ASCC3: variants seen among roughly 807,000 people sequenced by gnomAD.
ASCC3 encodes the protein activating signal cointegrator 1 complex subunit 3, also known as ASC-1 complex subunit P200.
Under a neutral mutation model 256.3 loss-of-function variants are expected in ASCC3, and 158 were observed. The observed-to-expected ratio is 0.62, with a 90% CI of 0.54 to 0.70. ASCC3 has a LOEUF of 0.70. Among genes scored for constraint, ASCC3 ranks in the 30% least tolerant of loss-of-function variants. The pLI, the probability that ASCC3 is intolerant of heterozygous loss-of-function variation, is 0.00. For synonymous variants in ASCC3, 948 were observed against 883.4 expected, an observed-to-expected ratio of 1.07 and a Z score of -1.30; for missense variants, 2,259 against 2,626.0, an observed-to-expected ratio of 0.86 and a Z score of 3.05.
chr6:100,733,910 AAAAC>A (rs371689067), intron 10 of ASCC3, among the ~76,000 whole-genome samples: 59 of 152,292 alleles, frequency 3.9e-4, no homozygotes, highest in Admixed American at 1.5e-3. Context: ...TATCCCTTTA[AAAAC>A]AAACAAACAA....
intron 4 of ASCC3, among the ~76,000 whole-genome samples, chr6:100,829,277 A>G (rs1771495635): frequency 6.6e-6 from 1 of 152,106 alleles, no homozygotes; most frequent in South Asian, 2.1e-4. Context: ...ACCGTGGAGC[A>G]GGGGGCGGCG....
chr6:100,765,203 C>T (rs1025916818), intron 10 of ASCC3, among the ~76,000 whole-genome samples: 5 of 152,144 alleles, frequency 3.3e-5, no homozygotes, highest in Admixed American at 6.5e-5. Context: ...AGAATTAAGA[C>T]AGTTGTTTTA....
chr6:100,724,148 C>CAAAA (rs574759618), intron 11 of ASCC3, among the ~76,000 whole-genome samples: 1 of 126,360 alleles, frequency 7.9e-6, no homozygotes, highest in Non-Finnish European at 1.7e-5. Flanking sequence ...TACAAAAAAA[C>CAAAA]AAAAAAAAAA....
intron 8 of ASCC3, among the ~76,000 whole-genome samples, chr6:100,792,557 C>CA (rs1376065456): frequency 6.6e-6 from 1 of 151,876 alleles, no homozygotes; most frequent in Non-Finnish European, 1.5e-5. Flanking sequence ...TCATCATGGT[C>CA]AATTAATTAT....
At chr6:100,863,494 G>A (rs1228145789) in intron 3 of ASCC3, among the ~76,000 whole-genome samples, 2 of 151,998 alleles carry the variant, frequency 1.3e-5, no homozygotes, top group Non-Finnish European at 2.9e-5. Context: ...TCAAGACAGT[G>A]GTTTTCAAAC....
At chr6:100,596,328 A>G (rs776706297) in intron 34 of ASCC3, among the ~76,000 whole-genome samples, 2 of 152,208 alleles carry the variant, frequency 1.3e-5, no homozygotes, top group Non-Finnish European at 2.9e-5. Flanking sequence ...CAAAGATACA[A>G]TGGATACAAA....
At chr6:100,611,731 G>T (rs529744929) in intron 30 of ASCC3, among the ~76,000 whole-genome samples, 1 of 151,976 alleles carries the variant, frequency 6.6e-6, no homozygotes, top group African/African-American at 2.4e-5. Flanking sequence ...AAATACTTGG[G>T]TTACCATCTT....
chr6:100,753,138 C>T (rs747981144), intron 10 of ASCC3, among the ~76,000 whole-genome samples: 2 of 151,690 alleles, frequency 1.3e-5, no homozygotes, highest in Admixed American at 1.3e-4. Context: ...ATTGAAATTT[C>T]GCATTAATAT....
At chr6:100,769,746 A>T (rs1357277212) in intron 8 of ASCC3, among the ~76,000 whole-genome samples, 9 of 151,856 alleles carry the variant, frequency 5.9e-5, no homozygotes, top group African/African-American at 1.9e-4. Flanking sequence ...CAATATCAAG[A>T]GTGAGAAAAG....
rs531017352 is a variant in ASCC3, at chr6:100,614,646, C to T, written c.4786-7558G>A. ...TCCATCCTCTCAAGCACAATGCCAC[C>T]CTCTAATCACTACATGAATAAGAGG... On this transcript the variant is annotated intron_variant, in intron 30 of 41. Coordinates refer to ENST00000369162, the MANE Select transcript of ASCC3 (RefSeq NM_006828.4). 3.9e-5 allele frequency among the ~76,000 whole-genome samples: 6 copies of T among 152,188 alleles called. No homozygotes were observed. The South Asian group carries it at 1.0e-3, about 26-fold the overall frequency.
At chr6:100,789,448 T>C (rs1769244779) in intron 8 of ASCC3, among the ~76,000 whole-genome samples, 1 of 151,956 alleles carries the variant, frequency 6.6e-6, no homozygotes, top group South Asian at 2.1e-4. Flanking sequence ...TTTTCATTCA[T>C]TTGCCAGGGG....
At chr6:100,679,527 T>C (rs1009678009) in intron 14 of ASCC3, 91 bp downstream of exon 14, 13 of 1,575,584 alleles carry the variant, frequency 8.3e-6, no homozygotes, top group Admixed American at 1.7e-5. Flanking sequence ...ATTAACTTCT[T>C]GGAAATTGAG....
At position 100,600,717 on chromosome 6, in the gene ASCC3, C is replaced by T. The variant is rs1319661249; in HGVS notation, c.5303+1093G>A. On this transcript the variant is annotated intron_variant, in intron 34 of 41. Coordinates refer to ENST00000369162, the MANE Select transcript of ASCC3 (RefSeq NM_006828.4). ...TGGAATGTGCCTTAACATTGACCCT[C>T]CCTCCATTCACTCTGTATCTAAGGT... Among the ~76,000 whole-genome samples the T allele has an allele frequency of 3.9e-5, 6 of 152,196 alleles. No individual in the cohort carries two copies. In the South Asian group the frequency reaches 1.2e-3, roughly 32 times the overall value.
At chr6:100,735,257 A>G (rs1300327494) in intron 10 of ASCC3, among the ~76,000 whole-genome samples, 1 of 152,172 alleles carries the variant, frequency 6.6e-6, no homozygotes, top group East Asian at 1.9e-4. Context: ...CTTTCTCACC[A>G]TATTACCCCG....
chr6:100,527,971 G>A (rs1373450896), intron 37 of ASCC3, among the ~76,000 whole-genome samples: 5 of 151,508 alleles, frequency 3.3e-5, no homozygotes. Context: ...AAGCAGCTGG[G>A]TCTACAGGTG....
chr6:100,813,765 C>T (rs1770605014), intron 4 of ASCC3, among the ~76,000 whole-genome samples: 1 of 151,828 alleles, frequency 6.6e-6, no homozygotes, highest in Non-Finnish European at 1.5e-5. Context: ...CAATATCACA[C>T]TTTCAATACT....
chr6:100,558,587 G>A (rs1562117721), intron 36 of ASCC3, among the ~76,000 whole-genome samples: 1 of 152,074 alleles, frequency 6.6e-6, no homozygotes, highest in African/African-American at 2.4e-5. Context: ...GATTTGTGGG[G>A]TGTTTTTGTT....
At chr6:100,760,837 T>C (rs1278724083) in intron 10 of ASCC3, among the ~76,000 whole-genome samples, 1 of 152,166 alleles carries the variant, frequency 6.6e-6, no homozygotes, top group African/African-American at 2.4e-5. Flanking sequence ...CTAGATCTCA[T>C]TGTCCTGTGG....
At chr6:100,607,227 T>A in intron 30 of ASCC3, 139 bp from the exon 31 acceptor site, 3 of 879,738 alleles carry the variant, frequency 3.4e-6, no homozygotes, top group Admixed American at 2.4e-5. Flanking sequence ...ACAGTTATGA[T>A]TAAAGTTCAA....
Sources: allele counts gnomAD v4.1 joint callset (sites outside exome capture counted in the v4.1 genomes callset), GRCh38; gene constraint gnomAD v4.1.1; transcripts MANE v1.5; gene names NCBI Gene and HGNC (gene_info 2026-07-23, HGNC 2026-07-21).